VAMP4: variants seen among roughly 807,000 people sequenced by gnomAD.
VAMP4 encodes vesicle-associated membrane protein 4.
In VAMP4, 19 loss-of-function variants were observed where a neutral mutation model predicts 23.5. The ratio of observed to expected loss-of-function variants is 0.81; its 90% CI spans 0.56 to 1.19. The LOEUF is 1.19. Among genes scored for constraint, VAMP4 ranks in the 50% most tolerant of loss-of-function variants. VAMP4 has a pLI of 0.00. For synonymous variants in VAMP4, 31 were observed against 51.0 expected (o/e 0.61, Z 1.67); for missense variants, 145 against 168.6 (o/e 0.86, Z 0.78).
intron 5 of VAMP4, among the ~76,000 whole-genome samples, chr1:171,710,343 C>T (rs938108299): frequency 4.0e-5 from 6 of 151,248 alleles, no homozygotes; most frequent in African/African-American, 1.5e-4. Context: ...GACTAAGTTA[C>T]CAAATAAAAC....
chr1:171,710,103 G>T (rs1309122624), intron 5 of VAMP4, among the ~76,000 whole-genome samples: 2 of 151,518 alleles, frequency 1.3e-5, no homozygotes, highest in African/African-American at 4.8e-5. Flanking sequence ...AAAATTACAT[G>T]TTGAGAAGTT....
At chr1:171,735,708 G>T (rs1215640025) in intron 2 of VAMP4, among the ~76,000 whole-genome samples, 2 of 152,216 alleles carry the variant, frequency 1.3e-5, no homozygotes, top group Non-Finnish European at 2.9e-5. Context: ...TGTGCACGCT[G>T]ATCACTGAAT....
rs140629114 is a variant in VAMP4, at chr1:171,721,378, A to G, written c.114-2157T>C. ...AAATAAAACTGTCTTTATTTGCAGAAAGCATAATTGTTCTATGTTGAAAAT... is the reference window on the plus strand; with the variant it reads ...AAATAAAACTGTCTTTATTTGCAGAGAGCATAATTGTTCTATGTTGAAAAT... On this transcript the variant is annotated intron_variant, in intron 3 of 7. Transcript: ENST00000236192. Among the ~76,000 whole-genome samples, 583 of 152,292 alleles carry G rather than the reference A, an allele frequency of 3.8e-3. 3 individuals carry two copies. The highest frequency in any genetic ancestry group is 0.013 in the African/African-American group (533 of 41,588).
chr1:171,733,791 A>G (rs946107034), intron 2 of VAMP4, among the ~76,000 whole-genome samples: 6 of 152,242 alleles, frequency 3.9e-5, no homozygotes, highest in African/African-American at 1.4e-4. Flanking sequence ...AAGGCTGAAC[A>G]GAGAGTTACT....
intron 3 of VAMP4, among the ~76,000 whole-genome samples, chr1:171,719,938 A>C (rs1211386722): frequency 6.6e-6 from 1 of 152,016 alleles, no homozygotes; most frequent in African/African-American, 2.4e-5. Flanking sequence ...CATAAACTAC[A>C]AAACTCAAAA....
intron 4 of VAMP4, among the ~76,000 whole-genome samples, chr1:171,717,747 A>T (rs1655065354): frequency 6.6e-6 from 1 of 152,100 alleles, no homozygotes; most frequent in Non-Finnish European, 1.5e-5. Context: ...CACTGCACCC[A>T]GCTGTATCAT....
chr1:171,704,434 T>C lies in VAMP4; in HGVS notation c.*72A>G. Reference sequence around the variant, plus strand: ...GTTTTGAAAGTTATATACACATAGGTTTCATTTAAATTATGCAGCAATCTT... The same window carrying C: ...GTTTTGAAAGTTATATACACATAGGCTTCATTTAAATTATGCAGCAATCTT... On this transcript the variant is annotated 3_prime_UTR_variant, in exon 8 of 8. Transcript: ENST00000236192. 3 of 1,364,252 alleles carry C rather than the reference T, an allele frequency of 2.2e-6. No individual in the cohort carries two copies. The highest frequency in any genetic ancestry group is 2.6e-5 in the East Asian group (1 of 39,108). 84.5% of individuals were successfully genotyped at this position (1,364,252 alleles called of 1,614,324 possible). A position where few individuals can be genotyped will look rare whatever the true frequency, so the allele number is the denominator to read the frequency against.
intron 3 of VAMP4, among the ~76,000 whole-genome samples, chr1:171,725,695 A>C (rs1026373441): frequency 6.9e-6 from 1 of 144,566 alleles, no homozygotes. Flanking sequence ...GTTTCCATTA[A>C]TTTTTTTTTT....
chr1:171,704,564 T>C (rs772110622), intron 7 of VAMP4, 30 bp from the exon 8 acceptor site: 2 of 1,523,398 alleles, frequency 1.3e-6, no homozygotes, highest in East Asian at 4.7e-5. Flanking sequence ...AAAAGCAATA[T>C]ATCAACATCA....
chr1:171,720,750 T>C (rs1655165248), intron 3 of VAMP4, among the ~76,000 whole-genome samples: 1 of 152,028 alleles, frequency 6.6e-6, no homozygotes, highest in African/African-American at 2.4e-5. Context: ...AAATAAGAAT[T>C]CTATGCAAAC....
At chr1:171,720,424 TA>T (rs1335251334) in intron 3 of VAMP4, among the ~76,000 whole-genome samples, 1 of 151,888 alleles carries the variant, frequency 6.6e-6, no homozygotes, top group African/African-American at 2.4e-5. Flanking sequence ...TCAAAATACT[TA>T]TAGAAAAACA....
intron 2 of VAMP4, among the ~76,000 whole-genome samples, chr1:171,731,427 A>AT (rs1655563450): frequency 9.7e-6 from 1 of 102,824 alleles, no homozygotes; most frequent in African/African-American, 3.4e-5. Flanking sequence ...AATAATAATA[A>AT]AAAAAACAGG....
At chr1:171,739,371 T>G (rs1211557521) in intron 1 of VAMP4, among the ~76,000 whole-genome samples, 1 of 152,238 alleles carries the variant, frequency 6.6e-6, no homozygotes, top group Non-Finnish European at 1.5e-5. Flanking sequence ...GTGGCACACC[T>G]GGAGAGGGCA....
intron 3 of VAMP4, among the ~76,000 whole-genome samples, chr1:171,721,021 A>C (rs1205722963): frequency 6.6e-6 from 1 of 152,100 alleles, no homozygotes; most frequent in Non-Finnish European, 1.5e-5. Context: ...TTCAAAATCA[A>C]CATAATTCAA....
Position 171,701,229 on chromosome 1 carries a change from CA to C in VAMP4, c.*3276del, listed in dbSNP as rs1654421571. On this transcript the variant is annotated 3_prime_UTR_variant, in exon 8 of 8. Coordinates refer to ENST00000236192, the MANE Select transcript of VAMP4 (RefSeq NM_003762.5). Reference sequence around the variant, plus strand: ...TCTCAACTCACAGAAAAATGGAGTCCAATCACATTTCCATGTGAAAACACAA... The same window carrying C: ...TCTCAACTCACAGAAAAATGGAGTCCATCACATTTCCATGTGAAAACACAA... 1 of 152,116 alleles carries C rather than the reference CA, an allele frequency of 6.6e-6. No homozygotes were observed. Among genetic ancestry groups the C allele is most frequent in the African/African-American group, 2.4e-5 (1 of 41,422 alleles). 9.4% of individuals were successfully genotyped at this position (152,116 alleles called of 1,614,324 possible).
At chr1:171,740,865 C>G (rs1400765873) in intron 1 of VAMP4, among the ~76,000 whole-genome samples, 1 of 152,154 alleles carries the variant, frequency 6.6e-6, no homozygotes, top group Admixed American at 6.5e-5. Flanking sequence ...CCCAAGAAAC[C>G]ATGTGCAACA....
At chr1:171,737,889 A>C (rs1411736798) in intron 2 of VAMP4, among the ~76,000 whole-genome samples, 2 of 152,244 alleles carry the variant, frequency 1.3e-5, no homozygotes, top group Admixed American at 1.3e-4. Flanking sequence ...CAATCTAAGT[A>C]ACATGTTTTT....
rs760578319 is a variant in VAMP4 at position 171,735,599 on chromosome 1, C to A, written c.66+2750G>T. Among the ~76,000 whole-genome samples, 40 of 152,294 alleles carry A rather than the reference C, an allele frequency of 2.6e-4. 1 individual carries two copies. Among genetic ancestry groups the A allele is most frequent in the Admixed American group, 1.6e-3 (25 of 15,294 alleles). ...CATCTTCCAGGATATTAATGCTTTG[C>A]AAGCATCTCTGGGTAAGTGACTAAA... On this transcript the variant is annotated intron_variant, in intron 2 of 7. Transcript: ENST00000236192.
rs1654419294 is a variant in VAMP4, at chr1:171,701,125, AAG to A, written c.*3379_*3380del. 1 of 152,198 alleles carries A rather than the reference AAG, an allele frequency of 6.6e-6. No individual in the cohort carries two copies. 9.4% of individuals were successfully genotyped at this position (152,198 alleles called of 1,614,324 possible). On this transcript the variant is annotated 3_prime_UTR_variant, in exon 8 of 8. Transcript: ENST00000236192. ...GTCTACAACATGGAAAAAACAAGTT[AAG>A]AAGTAGAGCACCTTTCAGCCCTTAC...
Sources: gnomAD v4.1 joint callset for allele counts (sites outside exome capture counted in the v4.1 genomes callset) on GRCh38, gnomAD v4.1.1 for gene constraint, MANE v1.5 for transcripts, NCBI Gene and HGNC (gene_info 2026-07-23, HGNC 2026-07-21) for gene names.